MYO16: variants seen among roughly 807,000 people sequenced by gnomAD.
MYO16 encodes unconventional myosin-XVI.
Under a neutral mutation model 205.3 loss-of-function variants are expected in MYO16, and 94 were observed. The observed-to-expected ratio is 0.46, with a 90% CI of 0.39 to 0.54. The LOEUF (loss-of-function observed/expected upper bound fraction) is 0.54. MYO16 is among the 20% of genes least tolerant of loss of function. The pLI, the probability that MYO16 is intolerant of heterozygous loss-of-function variation, is 0.00. For missense variants in MYO16, 2,315 were observed against 2,387.5 expected (o/e 0.97, Z 0.63); for synonymous variants, 988 against 954.0 (o/e 1.04, Z -0.66).
chr13:108,853,172 C>G (rs1330705470), intron 10 of MYO16, among the ~76,000 whole-genome samples: 1 of 152,230 alleles, frequency 6.6e-6, no homozygotes, highest in East Asian at 1.9e-4. Flanking sequence ...AGCTGTCAGT[C>G]TAGGTAGCGC....
intron 4 of MYO16, among the ~76,000 whole-genome samples, chr13:108,759,629 G>T (rs1300050912): frequency 6.6e-6 from 1 of 152,072 alleles, no homozygotes; most frequent in Non-Finnish European, 1.5e-5. Flanking sequence ...AGACCATCCT[G>T]GCTAACACGG....
intron 17 of MYO16, among the ~76,000 whole-genome samples, chr13:108,959,392 A>G (rs1303442182): frequency 2.0e-5 from 3 of 152,224 alleles, no homozygotes; most frequent in Admixed American, 2.0e-4. Context: ...CCATTCTGCC[A>G]AAATATCAGT....
At chr13:108,784,743 T>G (rs1196066350) in intron 4 of MYO16, among the ~76,000 whole-genome samples, 3 of 152,220 alleles carry the variant, frequency 2.0e-5, no homozygotes, top group African/African-American at 7.2e-5. Context: ...AACTTTCCTT[T>G]GTCTGGCCTG....
At chr13:108,498,219 T>A in the MYO16 span, among the ~76,000 whole-genome samples, 1 of 152,170 alleles carries the variant, frequency 6.6e-6, no homozygotes, top group East Asian at 1.9e-4. Flanking sequence ...CACATGTTCA[T>A]AGAACGAGAA....
chr13:109,089,508 C>A (rs1383850795), intron 27 of MYO16, among the ~76,000 whole-genome samples: 1 of 152,138 alleles, frequency 6.6e-6, no homozygotes, highest in Non-Finnish European at 1.5e-5. Context: ...AGCCACCGCA[C>A]CTGGCTGTTT....
chr13:108,659,420 G>A (rs1881398463), intron 1 of MYO16: 2 of 417,102 alleles, frequency 4.8e-6, no homozygotes, highest in South Asian at 3.5e-5. Context: ...TAGTCCTACA[G>A]AGGTACGCAC....
intron 9 of MYO16, among the ~76,000 whole-genome samples, chr13:108,825,312 G>A (rs1330814004): frequency 2.6e-5 from 4 of 151,922 alleles, no homozygotes; most frequent in East Asian, 1.9e-4. Flanking sequence ...CTCAATATAT[G>A]CAGAAAAAGC....
chr13:109,040,167 A>G (rs1347687186), intron 23 of MYO16, among the ~76,000 whole-genome samples: 1 of 152,132 alleles, frequency 6.6e-6, no homozygotes, highest in Admixed American at 6.5e-5. Flanking sequence ...CTTTTAAGAA[A>G]TGAATTTGTA....
the MYO16 span, among the ~76,000 whole-genome samples, chr13:108,544,318 T>A: frequency 2.0e-5 from 3 of 152,170 alleles, no homozygotes; most frequent in African/African-American, 7.2e-5. Context: ...AGATATGAGA[T>A]GAGAAGTGAA....
At position 108,892,692 on chromosome 13, in the gene MYO16, G is replaced by A. The variant is rs111887424; in HGVS notation, c.1659+4215G>A. On this transcript the variant is annotated intron_variant, in intron 14 of 34. Coordinates refer to ENST00000457511, the MANE Select transcript of MYO16 (RefSeq NM_001198950.3). ...ATAAAATAGCCTCAAGTTAACTAAC[G>A]GAAATAACAGAAACTGATGACTTAC... 3.0e-3 allele frequency among the ~76,000 whole-genome samples: 463 copies of A among 152,114 alleles called. 3 individuals carry two copies. Among genetic ancestry groups the A allele is most frequent in the African/African-American group, 0.011 (440 of 41,542 alleles).
intron 23 of MYO16, among the ~76,000 whole-genome samples, chr13:109,036,811 A>G (rs1474090438): frequency 6.6e-6 from 1 of 152,198 alleles, no homozygotes; most frequent in African/African-American, 2.4e-5. Flanking sequence ...AAGCCTGAAG[A>G]TCAGTTATGT....
intron 32 of MYO16, among the ~76,000 whole-genome samples, chr13:109,142,331 G>C (rs756388192): frequency 2.0e-5 from 3 of 152,116 alleles, no homozygotes; most frequent in African/African-American, 7.2e-5. Flanking sequence ...TGATGAAAAG[G>C]ATCTTCTCCT....
chr13:108,942,534 C>A (rs1256576436), intron 16 of MYO16, among the ~76,000 whole-genome samples: 3 of 152,086 alleles, frequency 2.0e-5, no homozygotes, highest in Non-Finnish European at 4.4e-5. Flanking sequence ...TATTAGTTTG[C>A]CTTCTCTGAA....
At chr13:108,888,005 GTCT>G (rs1308322522) in intron 13 of MYO16, among the ~76,000 whole-genome samples, 1 of 152,080 alleles carries the variant, frequency 6.6e-6, no homozygotes, top group Non-Finnish European at 1.5e-5. Context: ...AGTTGGTTAT[GTCT>G]TCTTCTCAGC....
intron 9 of MYO16, among the ~76,000 whole-genome samples, chr13:108,843,867 T>TA (rs1277953050): frequency 6.6e-6 from 1 of 152,156 alleles, no homozygotes; most frequent in Non-Finnish European, 1.5e-5. Context: ...TTATTATTTT[T>TA]AATTCTCATA....
intron 4 of MYO16, among the ~76,000 whole-genome samples, chr13:108,783,550 A>G (rs559360085): frequency 6.6e-6 from 1 of 152,224 alleles, no homozygotes; most frequent in Non-Finnish European, 1.5e-5. Flanking sequence ...ATTGGTTTTG[A>G]AATGTGAGGA....
chr13:108,596,958 T>C (rs1878585778), intron 1 of MYO16, among the ~76,000 whole-genome samples: 1 of 152,204 alleles, frequency 6.6e-6, no homozygotes, highest in Admixed American at 6.5e-5. Context: ...GTTTCTAGCA[T>C]ACAGAAAAGA....
intron 34 of MYO16, among the ~76,000 whole-genome samples, chr13:109,201,794 T>G (rs1368633064): frequency 2.0e-5 from 3 of 152,138 alleles, no homozygotes; most frequent in Non-Finnish European, 4.4e-5. Context: ...TCTGTCATTC[T>G]TATGCCTTTG....
At position 109,153,076 on chromosome 13, in the gene MYO16, A is replaced by T. The variant is rs554026452; in HGVS notation, c.5164+11700A>T. ...TAGAGATACTACTCGGGATTCACAA[A>T]ACACGACGTATCCATGACGCTCGTT... On this transcript the variant is annotated intron_variant, in intron 32 of 34. Transcript: ENST00000457511. Among the ~76,000 whole-genome samples, 42 of 152,194 alleles carry T rather than the reference A, an allele frequency of 2.8e-4. No individual in the cohort carries two copies. The South Asian group carries it at 8.5e-3, about 31-fold the overall frequency.
Sources: allele counts gnomAD v4.1 joint callset (sites outside exome capture counted in the v4.1 genomes callset), GRCh38; gene constraint gnomAD v4.1.1; transcripts MANE v1.5; gene names NCBI Gene and HGNC (gene_info 2026-07-23, HGNC 2026-07-21).